The following RFTN1 variants were observed in gnomAD, a reference collection of about 807,000 sequenced individuals.
RFTN1 encodes the protein raftlin.
Under a neutral mutation model 46.5 loss-of-function variants are expected in RFTN1, and 26 were observed. That is an observed-to-expected ratio of 0.56 (90% CI 0.41 to 0.78). RFTN1 has a LOEUF of 0.78. RFTN1 is among the 30% of genes least tolerant of loss of function. The pLI is 0.00. For synonymous variants in RFTN1, 261 were observed against 284.2 expected, an observed-to-expected ratio of 0.92 and a Z score of 0.82; for missense variants, 693 against 718.7, an observed-to-expected ratio of 0.96 and a Z score of 0.41.
rs1026675392 is a variant in RFTN1 at position 16,385,039 on chromosome 3, G to A, written c.442-6937C>T. 1.3e-5 allele frequency among the ~76,000 whole-genome samples: 2 copies of A among 152,196 alleles called. No homozygotes were observed. Among genetic ancestry groups the A allele is most frequent in the Non-Finnish European group, 2.9e-5 (2 of 68,020 alleles). On this transcript the variant is annotated intron_variant, in intron 4 of 9. Coordinates refer to ENST00000334133, the MANE Select transcript of RFTN1 (RefSeq NM_015150.2). The surrounding 1 kb of genome is among the most constrained non-coding windows in gnomAD (Gnocchi z 5.0). ...CTTATATACCCTAGATCAGACCACT[G>A]CCCACTCCGGCCCTCCCTCATAACT...
intron 4 of RFTN1, among the ~76,000 whole-genome samples, chr3:16,392,861 C>A (rs1249570977): frequency 6.6e-6 from 1 of 152,044 alleles, no homozygotes; most frequent in Non-Finnish European, 1.5e-5. Flanking sequence ...CTGAAAAAAG[C>A]TACTTGGAGT....
chr3:16,400,653 C>A lies in RFTN1; in HGVS notation c.441+8722G>T, dbSNP rs1266801329. 6.6e-6 allele frequency among the ~76,000 whole-genome samples: 1 copy of A among 152,174 alleles called. No homozygotes were observed. Among genetic ancestry groups the A allele is most frequent in the African/African-American group, 2.4e-5 (1 of 41,434 alleles). On this transcript the variant is annotated intron_variant, in intron 4 of 9. Coordinates refer to ENST00000334133, the MANE Select transcript of RFTN1 (RefSeq NM_015150.2). The surrounding 1 kb of genome is among the most constrained non-coding windows in gnomAD (Gnocchi z 4.5). ...AAAATGAAGCACAAGAAAGTATCTC[C>A]TTTTTTGGGGAGTGATTGAGACAAG... is the stretch of plus-strand genomic sequence containing the variant.
At position 16,407,767 on chromosome 3, in the gene RFTN1, G is replaced by T. The variant is rs73043115; in HGVS notation, c.441+1608C>A. Among the ~76,000 whole-genome samples the T allele has an allele frequency of 6.6e-6, 1 of 152,074 alleles. No homozygotes were observed. The highest frequency in any genetic ancestry group is 2.4e-5 in the African/African-American group (1 of 41,400). On this transcript the variant is annotated intron_variant, in intron 4 of 9. Transcript: ENST00000334133. The surrounding 1 kb of genome is among the most constrained non-coding windows in gnomAD (Gnocchi z 4.0). ...AACACTTGTGTTCTCAGGCTTATGC[G>T]TATGTGAACAAAAGCTACTTCCCCC...
At chr3:16,365,196 T>A (rs1024317829) in intron 6 of RFTN1, among the ~76,000 whole-genome samples, 1 of 152,134 alleles carries the variant, frequency 6.6e-6, no homozygotes, top group African/African-American at 2.4e-5. Flanking sequence ...AGGGAGTGGC[T>A]ATCAGAAACA....
intron 8 of RFTN1, among the ~76,000 whole-genome samples, chr3:16,325,731 T>C (rs1373480486): frequency 6.6e-6 from 1 of 152,188 alleles, no homozygotes; most frequent in East Asian, 1.9e-4. Flanking sequence ...ACTGACCCAC[T>C]GTGACCTAAT....
At chr3:16,423,449 A>G (rs930225055) in intron 3 of RFTN1, among the ~76,000 whole-genome samples, 1 of 152,210 alleles carries the variant, frequency 6.6e-6, no homozygotes, top group African/African-American at 2.4e-5. Flanking sequence ...CCTCACAGCT[A>G]AACAATTAAA....
chr3:16,368,877 C>T (rs1661399561), intron 6 of RFTN1, among the ~76,000 whole-genome samples: 1 of 152,130 alleles, frequency 6.6e-6, no homozygotes, highest in African/African-American at 2.4e-5. Context: ...ACTGGACAAC[C>T]CAGGTACAGA....
At position 16,395,567 on chromosome 3, in the gene RFTN1, T is replaced by C. The variant is rs975323745; in HGVS notation, c.441+13808A>G. Among the ~76,000 whole-genome samples, 81 of 152,262 alleles carry C rather than the reference T, an allele frequency of 5.3e-4. 1 individual carries two copies. The highest frequency in any genetic ancestry group is 1.1e-3 in the Non-Finnish European group (77 of 68,006). On this transcript the variant is annotated intron_variant, in intron 4 of 9. Transcript: ENST00000334133. ...ATCAAGAGATCCACCCCCCTCGGCC[T>C]CCTGAGTGGCTGGGATTACAGACAT...
At chr3:16,354,030 A>T (rs1474343848) in intron 7 of RFTN1, among the ~76,000 whole-genome samples, 1 of 152,214 alleles carries the variant, frequency 6.6e-6, no homozygotes, top group Non-Finnish European at 1.5e-5. Context: ...GGTGATTCTG[A>T]TACAAGCTCA....
intron 2 of RFTN1, among the ~76,000 whole-genome samples, chr3:16,490,422 G>A: frequency 6.6e-6 from 1 of 152,180 alleles, no homozygotes; most frequent in Non-Finnish European, 1.5e-5. Flanking sequence ...GGGGGCAGTG[G>A]GCACGACACA....
At position 16,436,037 on chromosome 3, in the gene RFTN1, T is replaced by A. The variant is rs193166760; in HGVS notation, c.146-2000A>T. Among the ~76,000 whole-genome samples, 28 of 151,184 alleles carry A rather than the reference T, an allele frequency of 1.9e-4. 1 individual carries two copies. Among genetic ancestry groups the A allele is most frequent in the East Asian group, 1.7e-3 (9 of 5,166 alleles). On this transcript the variant is annotated intron_variant, in intron 2 of 9. Coordinates refer to ENST00000334133, the MANE Select transcript of RFTN1 (RefSeq NM_015150.2). Reference sequence around the variant, plus strand: ...GGATTTATCTGCCATCAGTGATGTATAAAGTTATTTCTTTTCCCATACTCT... The same window carrying A: ...GGATTTATCTGCCATCAGTGATGTAAAAAGTTATTTCTTTTCCCATACTCT...
At chr3:16,405,663 C>A (rs1299582180) in intron 4 of RFTN1, among the ~76,000 whole-genome samples, 1 of 152,120 alleles carries the variant, frequency 6.6e-6, no homozygotes, top group South Asian at 2.1e-4. Context: ...TCCTTCTATC[C>A]GTGTCCTCTA....
At chr3:16,464,103 G>A (rs17042304) in intron 2 of RFTN1, among the ~76,000 whole-genome samples, 11,663 of 151,964 alleles carry the variant, frequency 0.077, 779 homozygotes, top group East Asian at 0.2. Context: ...CGAACCTCTC[G>A]TCCCATGCAG....
rs2125298925 is a variant in RFTN1, at chr3:16,344,603, G to A, written c.1146+13329C>T. On this transcript the variant is annotated intron_variant, in intron 7 of 9. Coordinates refer to ENST00000334133, the MANE Select transcript of RFTN1 (RefSeq NM_015150.2). This position sits in a 1 kb window ranked among gnomAD's most constrained non-coding sequence, Gnocchi z 4.4. ...GTATTCTGTGGCCTCCCAGAATCAG[G>A]TCTCTTCAGGTCCACCACCTTCTAG... Among the ~76,000 whole-genome samples the A allele has an allele frequency of 6.6e-6, 1 of 152,146 alleles. No homozygotes were observed. Among genetic ancestry groups the A allele is most frequent in the South Asian group, 2.1e-4 (1 of 4,814 alleles).
chr3:16,421,391 G>A lies in RFTN1; in HGVS notation c.333-11908C>T, dbSNP rs1194044408. ...TTTTGAGATGGTGTCTCACTCTGTC[G>A]CCCAGGCTGGGGTGCAGTGGCATAA... On this transcript the variant is annotated intron_variant, in intron 3 of 9. Transcript: ENST00000334133. The surrounding 1 kb of genome is among the most constrained non-coding windows in gnomAD (Gnocchi z 4.6). Among the ~76,000 whole-genome samples the A allele has an allele frequency of 2.7e-5, 4 of 150,254 alleles. No individual in the cohort carries two copies. The highest frequency in any genetic ancestry group is 2.1e-4 in the South Asian group (1 of 4,740).
chr3:16,324,614 C>CCA (rs1049623877), intron 8 of RFTN1, among the ~76,000 whole-genome samples: 2 of 34,662 alleles, frequency 5.8e-5, no homozygotes, highest in African/African-American at 1.3e-4. Flanking sequence ...ATGTCCCTGA[C>CCA]CCCCCCCCTT....
intron 7 of RFTN1, among the ~76,000 whole-genome samples, chr3:16,343,798 G>A (rs991654303): frequency 6.6e-6 from 1 of 152,206 alleles, no homozygotes; most frequent in African/African-American, 2.4e-5. Context: ...CCTGACTCAA[G>A]GAGTTTGCAT....
Position 16,323,246 on chromosome 3 carries a change from G to C in RFTN1, c.1332+130C>G, listed in dbSNP as rs906037615. On this transcript the variant is annotated intron_variant, in intron 9 of 9. Coordinates refer to ENST00000334133, the MANE Select transcript of RFTN1 (RefSeq NM_015150.2). ...TGAGATGTGATTCGGGTTGCCAGGG[G>C]CTCAGGTGTTCCTTGGGCTCTGCGA... is the stretch of plus-strand genomic sequence containing the variant. The C allele has an allele frequency of 6.8e-5, 45 of 661,210 alleles. No individual in the cohort carries two copies. In the South Asian group the frequency reaches 8.7e-4, roughly 13 times the overall value. 41.0% of individuals were successfully genotyped at this position (661,210 alleles called of 1,614,324 possible). A position where few individuals can be genotyped will look rare whatever the true frequency, so the allele number is the denominator to read the frequency against.
In RFTN1 at chr3:16,335,791, AAAAAG is replaced by A. The variant is rs981841423; in HGVS notation, c.1147-8920_1147-8916del. Among the ~76,000 whole-genome samples the A allele has an allele frequency of 3.9e-5, 6 of 151,924 alleles. No homozygotes were observed. The highest frequency in any genetic ancestry group is 1.5e-4 in the African/African-American group (6 of 41,252). On this transcript the variant is annotated intron_variant, in intron 7 of 9. Coordinates refer to ENST00000334133, the MANE Select transcript of RFTN1 (RefSeq NM_015150.2). This position sits in a 1 kb window ranked among gnomAD's most constrained non-coding sequence, Gnocchi z 4.7. Reference sequence around the variant, plus strand: ...CCTGGAACTTTAAAAAAAAAAAAAAAAAAAGGAGTTTGATCACACCATCAAATATC... The same window carrying A: ...CCTGGAACTTTAAAAAAAAAAAAAAAGAGTTTGATCACACCATCAAATATC...
Sources: allele counts gnomAD v4.1 joint callset (sites outside exome capture counted in the v4.1 genomes callset), GRCh38; gene constraint gnomAD v4.1.1; non-coding constraint Gnocchi (gnomAD v3.1); transcripts MANE v1.5; gene names NCBI Gene and HGNC (gene_info 2026-07-23, HGNC 2026-07-21).